Variants in CAPS2 observed in about 807,000 individuals in gnomAD.
CAPS2 encodes the protein calcyphosine 2, also known as calcyphosin-2.
CAPS2 carries 98 observed loss-of-function variants against 86.5 expected under a neutral mutation model. That is an observed-to-expected ratio of 1.13 (90% CI 0.96 to 1.34). The LOEUF (loss-of-function observed/expected upper bound fraction) is 1.34, where lower values mean the gene tolerates loss of function less well. Among genes scored for constraint, CAPS2 ranks in the 40% most tolerant of loss-of-function variants. The pLI is 0.00. For missense variants in CAPS2, 729 were observed against 686.8 expected (o/e 1.06, Z -0.69); for synonymous variants, 210 against 225.1 (o/e 0.93, Z 0.60).
At chr12:75,291,931 T>C in intron 12 of CAPS2, 111 bp from the exon 13 acceptor site, 1 of 396,022 alleles carries the variant, frequency 2.5e-6, no homozygotes, top group East Asian at 3.9e-5. Context: ...GCTCTCAAAC[T>C]TGGAAGAGTG....
chr12:75,384,085 C>T (rs2045150595), intron 1 of CAPS2, among the ~76,000 whole-genome samples: 1 of 151,900 alleles, frequency 6.6e-6, no homozygotes, highest in African/African-American at 2.4e-5. Flanking sequence ...TCTAAAATCG[C>T]ATATGCTTTC....
chr12:75,361,579 T>C (rs1489200242), intron 1 of CAPS2, among the ~76,000 whole-genome samples: 4 of 152,168 alleles, frequency 2.6e-5, no homozygotes. Flanking sequence ...GAAAGAGATG[T>C]AATTGACTCA....
chr12:75,306,033 G>C, intron 7 of CAPS2: 1 of 1,469,634 alleles, frequency 6.8e-7, no homozygotes, highest in Non-Finnish European at 9.3e-7. Flanking sequence ...CTACTTGAAG[G>C]GCCGCGGCGC....
intron 1 of CAPS2, among the ~76,000 whole-genome samples, chr12:75,378,090 C>G (rs2139781224): frequency 6.6e-6 from 1 of 152,032 alleles, no homozygotes; most frequent in South Asian, 2.1e-4. Context: ...CTCCACCTAC[C>G]AGGCTCAAGC....
chr12:75,316,022 A>AG (rs1006446141), intron 6 of CAPS2, among the ~76,000 whole-genome samples: 24 of 152,136 alleles, frequency 1.6e-4, no homozygotes, highest in African/African-American at 5.8e-4. Context: ...TTTTTGGGGG[A>AG]GGGGGTGACA....
At chr12:75,294,389 C>A (rs1310127564) in intron 11 of CAPS2, among the ~76,000 whole-genome samples, 1 of 152,110 alleles carries the variant, frequency 6.6e-6, no homozygotes, top group Non-Finnish European at 1.5e-5. Flanking sequence ...GAAATGTATA[C>A]AAATACTTCT....
At chr12:75,390,273 G>C (rs569178759) in intron 1 of CAPS2, 4 of 455,870 alleles carry the variant, frequency 8.8e-6, no homozygotes, top group Non-Finnish European at 1.8e-5. Context: ...CTAGATATTA[G>C]CCAATTTTGT....
chr12:75,366,998 C>T, intron 1 of CAPS2: 1 of 701,616 alleles, frequency 1.4e-6, no homozygotes, highest in Non-Finnish European at 2.6e-6. Flanking sequence ...TGTCCTTTCT[C>T]TTCAGAGCTG....
At position 75,277,880 on chromosome 12, in the gene CAPS2, A is replaced by G. The variant is rs144296778; in HGVS notation, c.*1010T>C. The G allele has an allele frequency of 6.7e-4, 590 of 876,020 alleles. 2 individuals carry two copies. The highest frequency in any genetic ancestry group is 5.5e-3 in the East Asian group (46 of 8,308). 54.3% of individuals were successfully genotyped at this position (876,020 alleles called of 1,614,324 possible). On this transcript the variant is annotated 3_prime_UTR_variant, in exon 17 of 17. Coordinates refer to ENST00000393284, the Ensembl canonical transcript of CAPS2. ...GAAATGACTAGCAAAGAATTTAGAA[A>G]GAATGATTATAATACATGTAACTAT...
intron 1 of CAPS2, among the ~76,000 whole-genome samples, chr12:75,381,773 C>T (rs574521898): frequency 2.6e-5 from 4 of 151,808 alleles, no homozygotes; most frequent in African/African-American, 7.3e-5. Context: ...TGTCACCATG[C>T]CCAGCTAATT....
intron 7 of CAPS2, among the ~76,000 whole-genome samples, chr12:75,312,623 T>C (rs2039348057): frequency 6.6e-6 from 1 of 152,174 alleles, no homozygotes; most frequent in Non-Finnish European, 1.5e-5. Flanking sequence ...TATTAAGTTG[T>C]TTAGAGAAAA....
intron 7 of CAPS2, among the ~76,000 whole-genome samples, chr12:75,309,447 A>C (rs1274078508): frequency 6.6e-6 from 1 of 152,202 alleles, no homozygotes. Context: ...TCCATGATTC[A>C]TCAAAATATA....
intron 1 of CAPS2, among the ~76,000 whole-genome samples, chr12:75,343,527 G>A (rs1046031268): frequency 6.6e-6 from 1 of 151,944 alleles, no homozygotes; most frequent in African/African-American, 2.4e-5. Context: ...TATTTCTGAA[G>A]TAGAACTAAA....
chr12:75,360,174 C>T (rs990846881), intron 1 of CAPS2: 20 of 152,094 alleles, frequency 1.3e-4, no homozygotes, highest in Middle Eastern at 3.2e-3. Context: ...AATTACAATT[C>T]GAGATAAGGT....
chr12:75,383,191 A>T (rs994362527), intron 1 of CAPS2, among the ~76,000 whole-genome samples: 7 of 152,184 alleles, frequency 4.6e-5, no homozygotes, highest in Non-Finnish European at 8.8e-5. Context: ...ATTTTTTTAT[A>T]TGAAGTATAT....
At chr12:75,372,174 C>T (rs2044402305) in intron 1 of CAPS2, among the ~76,000 whole-genome samples, 1 of 152,068 alleles carries the variant, frequency 6.6e-6, no homozygotes, top group Admixed American at 6.5e-5. Flanking sequence ...ATCACTGCAC[C>T]CAGCTAATTT....
rs1304052552 is a variant in CAPS2 at position 75,344,552 on chromosome 12, A to G, written c.-394-21330T>C. On this transcript the variant is annotated intron_variant, in intron 1 of 5. Coordinates refer to the CAPS2 transcript ENST00000551829. ...TTTAAGCATATGAGATAGAGTTGCA[A>G]TAATTAATATTTTCCCTGCTAGCTC... is the stretch of plus-strand genomic sequence containing the variant. 3.9e-5 allele frequency among the ~76,000 whole-genome samples: 6 copies of G among 152,236 alleles called. No homozygotes were observed. In the East Asian group the frequency reaches 9.6e-4, roughly 24 times the overall value.
chr12:75,334,355 C>A, upstream of CAPS2: 1 of 427,536 alleles, frequency 2.3e-6, no homozygotes, highest in Non-Finnish European at 3.2e-6. Context: ...TCGACTGGCC[C>A]ATTGTCAGCA....
In CAPS2 at chr12:75,320,916, C is replaced by T. The variant is rs11180459; in HGVS notation, c.468+484G>A. 7.1e-3 allele frequency among the ~76,000 whole-genome samples: 1,078 copies of T among 151,904 alleles called. 12 individuals carry two copies. The highest frequency in any genetic ancestry group is 0.025 in the African/African-American group (1,026 of 41,494). ...TACCTAATATTACATAAAAACATAA[C>T]AATTTCAGCAACACATGATGTTAAA... On this transcript the variant is annotated intron_variant, in intron 5 of 16. Coordinates refer to ENST00000393284, the Ensembl canonical transcript of CAPS2.
Sources: gnomAD v4.1 joint callset for allele counts (sites outside exome capture counted in the v4.1 genomes callset) on GRCh38, gnomAD v4.1.1 for gene constraint, MANE v1.5 for transcripts, NCBI Gene and HGNC (gene_info 2026-07-23, HGNC 2026-07-21) for gene names.